CLTCL1: variants seen among roughly 807,000 people sequenced by gnomAD.
CLTCL1 encodes clathrin heavy chain like 1, also known as clathrin heavy chain 2.
In CLTCL1, 159 loss-of-function variants were observed where a neutral mutation model predicts 190.0. The ratio of observed to expected loss-of-function variants is 0.84; its 90% CI spans 0.74 to 0.95. The LOEUF (loss-of-function observed/expected upper bound fraction) is 0.95. CLTCL1 is among the 40% of genes least tolerant of loss of function. The pLI is 0.00. For synonymous variants in CLTCL1, 752 were observed against 769.6 expected, an observed-to-expected ratio of 0.98 and a Z score of 0.38; for missense variants, 1,878 against 2,033.4, an observed-to-expected ratio of 0.92 and a Z score of 1.47.
chr22:19,264,875 G>A (rs1409206238), intron 2 of CLTCL1, among the ~76,000 whole-genome samples: 3 of 151,718 alleles, frequency 2.0e-5, no homozygotes, highest in Non-Finnish European at 2.9e-5. Flanking sequence ...TGCAACCTCC[G>A]CCTCCCGGAT....
intron 4 of CLTCL1, among the ~76,000 whole-genome samples, chr22:19,241,233 G>A (rs1030512592): frequency 1.3e-5 from 2 of 152,300 alleles, no homozygotes; most frequent in South Asian, 2.1e-4. Context: ...TGGGGCTGCC[G>A]TCTGTGTACA....
intron 1 of CLTCL1, among the ~76,000 whole-genome samples, chr22:19,290,820 TCATC>T (rs1180299810): frequency 6.6e-6 from 1 of 152,198 alleles, no homozygotes; most frequent in African/African-American, 2.4e-5. Flanking sequence ...CTCGGTTTCC[TCATC>T]TAGAAAAGAG....
intron 1 of CLTCL1, among the ~76,000 whole-genome samples, chr22:19,277,460 A>G (rs2087555667): frequency 6.6e-6 from 1 of 152,248 alleles, no homozygotes; most frequent in Non-Finnish European, 1.5e-5. Flanking sequence ...CAGAAAAGAT[A>G]AACTAAGTGG....
intron 2 of CLTCL1, among the ~76,000 whole-genome samples, chr22:19,263,093 GAATA>G (rs1224998804): frequency 5.3e-5 from 8 of 150,852 alleles, no homozygotes; most frequent in African/African-American, 1.7e-4. Flanking sequence ...CAATTTTTAG[GAATA>G]AATAAATAGA....
At chr22:19,212,144 T>C (rs2085246927) in intron 19 of CLTCL1, among the ~76,000 whole-genome samples, 1 of 152,162 alleles carries the variant, frequency 6.6e-6, no homozygotes, top group African/African-American at 2.4e-5. Flanking sequence ...TCTCCCTAAA[T>C]TGGTCCATAG....
chr22:19,232,530 C>G lies in CLTCL1; in HGVS notation c.1590G>C (p.Leu530=). ...CCTGCACTAGCATTCGAGAAAACTGCAGGCCCTGTTCCGGACTGATCTTCA... is the reference window on the plus strand; with the variant it reads ...CCTGCACTAGCATTCGAGAAAACTGGAGGCCCTGTTCCGGACTGATCTTCA... The part of the protein sequence containing the change: ...GVMKISPEQG[L]QFSRMLVQDE... The change falls in exon 10 of 33, where the codon CTG becomes CTC. Residue 530 remains leucine (L), a synonymous_variant. Transcript: ENST00000427926. The G allele has an allele frequency of 6.2e-7, 1 of 1,613,998 alleles. No individual in the cohort carries two copies. Among genetic ancestry groups the G allele is most frequent in the Non-Finnish European group, 8.5e-7 (1 of 1,179,890 alleles).
chr22:19,257,470 A>T (rs559196768), intron 2 of CLTCL1: 13 of 229,914 alleles, frequency 5.7e-5, no homozygotes, highest in Non-Finnish European at 1.1e-4. Context: ...AAAAACTAAA[A>T]TCACAGGCAG....
At position 19,187,749 on chromosome 22, in the gene CLTCL1, T is replaced by G. The variant is rs1280979448; in HGVS notation, c.4435-21A>C. ...AAGCCCTAGGAAGACAGCCTTTCTG[T>G]GAGGGATGGGACACTGACATGGGCT... On this transcript the variant is annotated intron_variant, in intron 28 of 32. Transcript: ENST00000427926. 4 of 1,610,844 alleles carry G rather than the reference T, an allele frequency of 2.5e-6. No individual in the cohort carries two copies. In the African/African-American group the frequency reaches 5.3e-5, roughly 22 times the overall value.
intron 5 of CLTCL1, among the ~76,000 whole-genome samples, chr22:19,236,411 C>T (rs557693882): frequency 6.6e-6 from 1 of 152,092 alleles, no homozygotes; most frequent in East Asian, 1.9e-4. Context: ...TTCCAGCATG[C>T]CTTCTACCAC....
rs782048850 is a variant in CLTCL1 at position 19,230,087 on chromosome 22, TCCCTC to T, written c.1645-117_1645-113del. ...CTCATTTAGAAATTCAGCAATTAGTTCCCTCCCTTGGTTTTTTTTTTTTTTTTGAG... is the reference window on the plus strand; with the variant it reads ...CTCATTTAGAAATTCAGCAATTAGTTCCTTGGTTTTTTTTTTTTTTTTGAG... On this transcript the variant is annotated intron_variant, in intron 10 of 32. Coordinates refer to ENST00000427926, the MANE Select transcript of CLTCL1 (RefSeq NM_007098.4). 92 of 612,538 alleles carry T rather than the reference TCCCTC, an allele frequency of 1.5e-4. No individual in the cohort carries two copies. The African/African-American group carries it at 1.8e-3, about 12-fold the overall frequency. The allele number at this position is 612,538 out of a possible 1,614,324, so 37.9% of individuals were successfully genotyped here. A position where few individuals can be genotyped will look rare whatever the true frequency, so the allele number is the denominator to read the frequency against.
rs1310128322 is a variant in CLTCL1 at position 19,222,816 on chromosome 22, A to T, written c.2293-7T>A. On this transcript the variant is annotated splice_polypyrimidine_tract_variant and splice_region_variant and intron_variant, in intron 14 of 32. Coordinates refer to ENST00000427926, the MANE Select transcript of CLTCL1 (RefSeq NM_007098.4). ...GGTCTGTGAGCTTGGCCTCCTGAGG[A>T]TTAGAATGCACAGAACAAGTCAGGG... 9 of 1,591,314 alleles carry T rather than the reference A, an allele frequency of 5.7e-6. No individual in the cohort carries two copies. Among genetic ancestry groups the T allele is most frequent in the Non-Finnish European group, 6.8e-6 (8 of 1,169,074 alleles).
At chr22:19,210,598 G>GTTTT in intron 19 of CLTCL1, 89 bp from the exon 20 acceptor site, 1 of 1,128,558 alleles carries the variant, frequency 8.9e-7, no homozygotes, top group South Asian at 1.5e-5. Flanking sequence ...CAGACCCCCA[G>GTTTT]TTTTTTTAAA....
intron 10 of CLTCL1, among the ~76,000 whole-genome samples, chr22:19,231,840 T>G (rs1555959225): frequency 6.6e-6 from 1 of 152,152 alleles, no homozygotes; most frequent in African/African-American, 2.4e-5. Flanking sequence ...GTCTCAAATC[T>G]CTTATTCATG....
chr22:19,196,204 C>T (rs1555935351), intron 26 of CLTCL1, 62 bp downstream of exon 26: 1 of 1,555,898 alleles, frequency 6.4e-7, no homozygotes, highest in African/African-American at 1.4e-5. Context: ...GCCCATTCCC[C>T]TGCACCCAGA....
intron 11 of CLTCL1, 139 bp downstream of exon 11, chr22:19,229,699 G>A (rs2085858235): frequency 1.4e-6 from 1 of 727,882 alleles, no homozygotes; most frequent in Non-Finnish European, 2.0e-6. Flanking sequence ...GGAAAGTCAT[G>A]GAGAATGTCC....
chr22:19,274,730 C>CTTT (rs56410068), intron 2 of CLTCL1, among the ~76,000 whole-genome samples: 3 of 135,840 alleles, frequency 2.2e-5, no homozygotes, highest in African/African-American at 8.1e-5. Flanking sequence ...TTCTTTGTTT[C>CTTT]TTTTTTTTTT....
At chr22:19,202,329 AACATCAAATGC>A (rs1433195535) in intron 22 of CLTCL1, among the ~76,000 whole-genome samples, 1 of 150,910 alleles carries the variant, frequency 6.6e-6, no homozygotes, top group African/African-American at 2.4e-5. Flanking sequence ...CATGAAGGCT[AACATCAAATGC>A]ACTGGCAACA....
In CLTCL1 at chr22:19,256,978, A is replaced by C. The variant is rs145995346; in HGVS notation, c.251-2751T>G. ...AACCTATGTTATTGTCATAAGACACATAGATCAATGAAACAGAAGAAAGTC... is the reference window on the plus strand; with the variant it reads ...AACCTATGTTATTGTCATAAGACACCTAGATCAATGAAACAGAAGAAAGTC... On this transcript the variant is annotated intron_variant, in intron 2 of 32. Transcript: ENST00000427926. Among the ~76,000 whole-genome samples, 386 of 152,372 alleles carry C rather than the reference A, an allele frequency of 2.5e-3. 1 individual carries two copies. The highest frequency in any genetic ancestry group is 4.2e-3 in the Non-Finnish European group (289 of 68,038).
rs2084209539 is a variant in CLTCL1, at chr22:19,183,499, C to A, written c.4718G>T (p.Cys1573Phe). 6.2e-7 allele frequency: 1 copy of A among 1,613,686 alleles called. No individual in the cohort carries two copies. The highest frequency in any genetic ancestry group is 8.5e-7 in the Non-Finnish European group (1 of 1,179,886). The change falls in exon 30 of 33, where the codon TGC becomes TTC. Residue 1573 changes from cysteine to phenylalanine, a missense_variant. Physicochemically the swap from Cys to Phe is radical, Grantham distance 205. Transcript: ENST00000427926. ...CATGTCTGGGCGAAGCAGGTCATAGCAGGTGAAGAGACAAGCTGCGAAGCA... is the reference window on the plus strand; with the variant it reads ...CATGTCTGGGCGAAGCAGGTCATAGAAGGTGAAGAGACAAGCTGCGAAGCA... ...RECFAACLFT[C>F]YDLLRPDMVL... is the part of the protein sequence containing the mutation.
Sources: gnomAD v4.1 joint callset for allele counts (sites outside exome capture counted in the v4.1 genomes callset) on GRCh38, gnomAD v4.1.1 for gene constraint, MANE v1.5 for transcripts, NCBI Gene and HGNC (gene_info 2026-07-23, HGNC 2026-07-21) for gene names.